The following MYSM1 variants were observed in gnomAD, a reference collection of about 807,000 sequenced individuals.
MYSM1 encodes the protein Myb like, SWIRM and MPN domains 1, also known as deubiquitinase MYSM1.
A neutral mutation model predicts 116.0 loss-of-function variants in MYSM1; 51 were observed. The ratio of observed to expected loss-of-function variants is 0.44; its 90% CI spans 0.35 to 0.56. The LOEUF (loss-of-function observed/expected upper bound fraction) is 0.56, where lower values mean the gene tolerates loss of function less well. Ranked by LOEUF, MYSM1 falls within the 20% of genes least tolerant of loss-of-function variation. MYSM1 has a pLI of 0.00. For missense variants in MYSM1, 900 were observed against 974.9 expected, an observed-to-expected ratio of 0.92 and a Z score of 1.02; for synonymous variants, 313 against 315.2, an observed-to-expected ratio of 0.99 and a Z score of 0.07.
chr1:58,690,996 G>A lies in MYSM1; in HGVS notation c.219-579C>T, dbSNP rs191616665. On this transcript the variant is annotated intron_variant, in intron 3 of 19. Coordinates refer to ENST00000472487, the MANE Select transcript of MYSM1 (RefSeq NM_001085487.3). ...TTAAAGTTATTAGAACTAGCCTGAT[G>A]AGGCCAGGCGCGGTGGCTCACACCT... 4.9e-3 allele frequency among the ~76,000 whole-genome samples: 748 copies of A among 152,230 alleles called. 11 individuals are homozygous for A. The highest frequency in any genetic ancestry group is 0.017 in the African/African-American group (699 of 41,536).
In MYSM1 at chr1:58,681,773, ATTCT is replaced by A. The variant is rs1478037911; in HGVS notation, c.1259+8_1259+11del. ...GTTTTAAAACAACATCTATAATGTA[ATTCT>A]TTCTTACCATTGATCCAAAATATAA... is the stretch of plus-strand genomic sequence containing the variant. On this transcript the variant is annotated splice_region_variant and intron_variant, in intron 8 of 19. Transcript: ENST00000472487. The A allele has an allele frequency of 1.3e-6, 2 of 1,565,946 alleles. No individual in the cohort carries two copies. The highest frequency in any genetic ancestry group is 2.2e-5 in the East Asian group (1 of 44,628).
At chr1:58,688,535 AGATTT>A (rs1644860608) in intron 6 of MYSM1, among the ~76,000 whole-genome samples, 1 of 151,958 alleles carries the variant, frequency 6.6e-6, no homozygotes, top group Non-Finnish European at 1.5e-5. Flanking sequence ...ACATTTAAAT[AGATTT>A]CAGTGTAATA....
intron 1 of MYSM1, among the ~76,000 whole-genome samples, chr1:58,695,420 T>C (rs1364728465): frequency 6.6e-6 from 1 of 152,160 alleles, no homozygotes; most frequent in African/African-American, 2.4e-5. Context: ...CCATCTCAAT[T>C]GTGAAACATC....
chr1:58,679,342 G>A (rs970170701), intron 8 of MYSM1, among the ~76,000 whole-genome samples: 1 of 152,098 alleles, frequency 6.6e-6, no homozygotes, highest in Non-Finnish European at 1.5e-5. Flanking sequence ...AATGACTTAG[G>A]AAACTATTGC....
chr1:58,658,972 C>CACACACACA lies in MYSM1; in HGVS notation c.*1016_*1024dup, dbSNP rs1644354533. 1 of 151,220 alleles carries CACACACACA rather than the reference C, an allele frequency of 6.6e-6. No homozygotes were observed. 9.4% of individuals were successfully genotyped at this position (151,220 alleles called of 1,614,324 possible). A position where few individuals can be genotyped will look rare whatever the true frequency, so the allele number is the denominator to read the frequency against. ...AAGGGCTGTAAAACACACACACACACACACACACACACACACACACACAAA... is the reference window on the plus strand; with the variant it reads ...AAGGGCTGTAAAACACACACACACACACACACACAACACACACACACACACACACACAAA... On this transcript the variant is annotated 3_prime_UTR_variant, in exon 20 of 20. Transcript: ENST00000472487.
At chr1:58,681,718 A>T (rs1644744378) in intron 8 of MYSM1, 67 bp downstream of exon 8, 1 of 1,408,372 alleles carries the variant, frequency 7.1e-7, no homozygotes, top group Non-Finnish European at 9.5e-7. Flanking sequence ...AATTCTGTAT[A>T]GGCCTAATTA....
intron 1 of MYSM1, among the ~76,000 whole-genome samples, chr1:58,699,393 C>A (rs1239795152): frequency 6.6e-6 from 1 of 152,202 alleles, no homozygotes; most frequent in Non-Finnish European, 1.5e-5. Flanking sequence ...TAAATATGAG[C>A]AGTCTGAGGC....
chr1:58,689,073 T>C lies in MYSM1; in HGVS notation c.364A>G (p.Thr122Ala). 1.2e-6 allele frequency: 2 copies of C among 1,611,836 alleles called. No individual in the cohort carries two copies. The highest frequency in any genetic ancestry group is 1.7e-6 in the Non-Finnish European group (2 of 1,179,552). The part of the protein sequence containing the change: ...TKPASYSVKW[T>A]IEEKELFEQG... ...TCAAACAGCTCTTTTTCTTCTATCGTCCACTTTACTGAGTAACTGGCTGGT... is the reference window on the plus strand; with the variant it reads ...TCAAACAGCTCTTTTTCTTCTATCGCCCACTTTACTGAGTAACTGGCTGGT... Residue 122 changes from threonine to alanine, a missense_variant, in exon 6 of 20, where the codon ACG becomes GCG. This residue lies in a region of MYSM1 where 622 missense variants were observed against 623.7 expected (regional missense o/e 1.00). Transcript: ENST00000472487.
chr1:58,663,494 A>G (rs1644424293), intron 17 of MYSM1, among the ~76,000 whole-genome samples: 1 of 152,210 alleles, frequency 6.6e-6, no homozygotes, highest in Admixed American at 6.5e-5. Flanking sequence ...TGGCTTCTAG[A>G]AAACCTTAAT....
intron 7 of MYSM1, 95 bp from the exon 8 acceptor site, chr1:58,682,640 A>AC: frequency 8.8e-7 from 1 of 1,139,780 alleles, no homozygotes; most frequent in Non-Finnish European, 1.2e-6. Flanking sequence ...AGTGTTATTA[A>AC]ACTGAATACA....
At chr1:58,682,867 T>G (rs1057080132) in intron 7 of MYSM1, among the ~76,000 whole-genome samples, 1 of 152,134 alleles carries the variant, frequency 6.6e-6, no homozygotes, top group Non-Finnish European at 1.5e-5. Flanking sequence ...GGCTAATTTT[T>G]TGTATTTTTA....
chr1:58,677,006 A>G lies in MYSM1; in HGVS notation c.1310T>C (p.Leu437Pro). Residue 437 changes from leucine (L) to proline (P), a missense_variant, in exon 9 of 20, where the codon CTG becomes CCG. Physicochemically the swap from Leu to Pro is moderately conservative, Grantham distance 98. This residue lies in a region of MYSM1 where 622 missense variants were observed against 623.7 expected (regional missense o/e 1.00). Transcript: ENST00000472487. ...YLNKTSVRPG[L>P]KNCGDVNCIG... ...ACAATTAACATCTCCACAGTTCTTC[A>G]GGCCAGGACGTACTGAGGTCTTATT... 1 of 1,611,750 alleles carries G rather than the reference A, an allele frequency of 6.2e-7. No individual in the cohort carries two copies. The highest frequency in any genetic ancestry group is 8.5e-7 in the Non-Finnish European group (1 of 1,178,796).
rs1360251361 is a variant in MYSM1, at chr1:58,682,359, C to A, written c.685G>T (p.Val229Leu). Residue 229 changes from valine to leucine, a missense_variant, in exon 8 of 20, where the codon GTG (valine) becomes TTG (leucine). Coordinates refer to ENST00000472487, the MANE Select transcript of MYSM1 (RefSeq NM_001085487.3). ...GGTGTTTGAGAAGACAACTCGTCCA[C>A]CTCATCTGTGATGTCTACTTCTTCA... Reference protein sequence around the residue: ...DDEEVDITDEVDELSSQTPQK... With the variant: ...DDEEVDITDELDELSSQTPQK... 33 of 1,614,154 alleles carry A rather than the reference C, an allele frequency of 2.0e-5. No individual in the cohort carries two copies. The highest frequency in any genetic ancestry group is 2.8e-5 in the Non-Finnish European group (33 of 1,180,036).
At position 58,655,896 on chromosome 1, in the gene MYSM1, A is replaced by G. The variant is rs77301596; in HGVS notation, c.*4101T>C. On this transcript the variant is annotated 3_prime_UTR_variant, in exon 20 of 20. Transcript: ENST00000472487. ...ACCATATATTGGTAGAGTATAGGTG[A>G]AAAAAAAAATAAAATTTGGGCACCC... The G allele has an allele frequency of 1.3e-5, 2 of 149,810 alleles. No homozygotes were observed. The highest frequency in any genetic ancestry group is 4.9e-5 in the African/African-American group (2 of 40,796). The allele number at this position is 149,810 out of a possible 1,614,324, so 9.3% of individuals were successfully genotyped here. A position where few individuals can be genotyped will look rare whatever the true frequency, so the allele number is the denominator to read the frequency against.
At chr1:58,668,789 C>T in intron 13 of MYSM1, 107 bp from the exon 14 acceptor site, 1 of 1,090,440 alleles carries the variant, frequency 9.2e-7, no homozygotes. Flanking sequence ...CCACCAAGTT[C>T]TCAGCACTAA....
intron 8 of MYSM1, among the ~76,000 whole-genome samples, chr1:58,680,184 G>C (rs1226724888): frequency 6.6e-6 from 1 of 152,068 alleles, no homozygotes; most frequent in African/African-American, 2.4e-5. Flanking sequence ...AATTTAACTA[G>C]TCTTTGTCAT....
Position 58,700,047 on chromosome 1 carries a change from C to T in MYSM1, c.6G>A (p.Ala2=), listed in dbSNP as rs372124728. The change falls in exon 1 of 20, where the codon GCG becomes GCA. Residue 2 remains alanine (A), a synonymous_variant. Coordinates refer to ENST00000472487, the MANE Select transcript of MYSM1 (RefSeq NM_001085487.3). ...CGATATCCACATCCGCCTCTTCAGC[C>T]GCCATGATGGGACCTGACCCCGTCC... M[A]AEEADVDIEG... The T allele has an allele frequency of 2.5e-5, 41 of 1,613,754 alleles. No individual in the cohort carries two copies. In the African/African-American group the frequency reaches 4.7e-4, roughly 18 times the overall value.
chr1:58,693,032 C>G (rs1327185545), intron 2 of MYSM1, 101 bp from the exon 3 acceptor site: 1 of 906,316 alleles, frequency 1.1e-6, no homozygotes, highest in African/African-American at 1.7e-5. Flanking sequence ...TTATAAATGA[C>G]AGTCACCATT....
chr1:58,661,585 A>AAGG, intron 17 of MYSM1, 74 bp from the exon 18 acceptor site: 2 of 837,460 alleles, frequency 2.4e-6, no homozygotes, highest in Non-Finnish European at 3.8e-6. Flanking sequence ...TTATACTTAA[A>AAGG]ATTCCCTTCG....
Sources: allele counts gnomAD v4.1 joint callset (sites outside exome capture counted in the v4.1 genomes callset), GRCh38; gene constraint gnomAD v4.1.1; regional missense constraint gnomAD v4.1.1; transcripts MANE v1.5; gene names NCBI Gene and HGNC (gene_info 2026-07-23, HGNC 2026-07-21).